The following SAMTOR variants were observed in gnomAD, a reference collection of about 807,000 sequenced individuals.
SAMTOR encodes UPF0532 protein C7orf60.
chr7:112,889,392 G>T, the SAMTOR span, among the ~76,000 whole-genome samples: 1 of 152,156 alleles, frequency 6.6e-6, no homozygotes, highest in Non-Finnish European at 1.5e-5. Context: ...TATCCCATTT[G>T]CAATTGCCAG....
At chr7:112,823,522 T>C in the SAMTOR span, among the ~76,000 whole-genome samples, 1 of 152,200 alleles carries the variant, frequency 6.6e-6, no homozygotes, top group Non-Finnish European at 1.5e-5. Flanking sequence ...TGCAGAATGG[T>C]ATCCCATTGT....
At chr7:112,871,856 A>G in the SAMTOR span, among the ~76,000 whole-genome samples, 1 of 152,226 alleles carries the variant, frequency 6.6e-6, no homozygotes, top group Non-Finnish European at 1.5e-5. Flanking sequence ...AGATCCCTAG[A>G]GACTACTACG....
the SAMTOR span, among the ~76,000 whole-genome samples, chr7:112,896,132 C>A: frequency 1.7e-4 from 26 of 152,120 alleles, no homozygotes; most frequent in African/African-American, 5.8e-4. Context: ...GACAGATAAC[C>A]CAACAGCTGT....
the SAMTOR span, among the ~76,000 whole-genome samples, chr7:112,875,570 T>C: frequency 2.0e-5 from 3 of 152,162 alleles, no homozygotes; most frequent in Non-Finnish European, 4.4e-5. Flanking sequence ...ATAGTCAAGT[T>C]AGGTAGAACT....
At chr7:112,914,997 T>G in the SAMTOR span, among the ~76,000 whole-genome samples, 1 of 152,042 alleles carries the variant, frequency 6.6e-6, no homozygotes, top group Non-Finnish European at 1.5e-5. Flanking sequence ...TCCAAGCACT[T>G]TGGGAGGCTG....
the SAMTOR span, among the ~76,000 whole-genome samples, chr7:112,901,258 T>A: frequency 6.6e-6 from 1 of 152,158 alleles, no homozygotes; most frequent in Admixed American, 6.5e-5. Flanking sequence ...CTGTTCCCCA[T>A]TGCTCGCATT....
At chr7:112,850,576 A>C in the SAMTOR span, among the ~76,000 whole-genome samples, 1 of 151,948 alleles carries the variant, frequency 6.6e-6, no homozygotes, top group East Asian at 1.9e-4. Context: ...ATTCAATTTC[A>C]CTATTAGTTA....
the SAMTOR span, among the ~76,000 whole-genome samples, chr7:112,892,845 G>A: frequency 1.3e-5 from 2 of 152,070 alleles, no homozygotes; most frequent in East Asian, 1.9e-4. Flanking sequence ...CAGAATGGAC[G>A]TTGTATTAGC....
At chr7:112,827,197 T>C in the SAMTOR span, among the ~76,000 whole-genome samples, 1 of 152,244 alleles carries the variant, frequency 6.6e-6, no homozygotes, top group Admixed American at 6.5e-5. Context: ...ATGGGCAACA[T>C]ATATTTGGGT....
At chr7:112,856,967 C>T in the SAMTOR span, among the ~76,000 whole-genome samples, 1 of 151,760 alleles carries the variant, frequency 6.6e-6, no homozygotes, top group African/African-American at 2.4e-5. Context: ...ACACATAAAC[C>T]TCAGGTAAAT....
the SAMTOR span, among the ~76,000 whole-genome samples, chr7:112,865,469 G>T: frequency 1.6e-4 from 25 of 152,020 alleles, no homozygotes; most frequent in Admixed American, 1.2e-3. Context: ...GTGAAGACAG[G>T]GTTTCGCCAT....
the SAMTOR span, among the ~76,000 whole-genome samples, chr7:112,893,727 C>A: frequency 2.4e-4 from 37 of 152,292 alleles, no homozygotes; most frequent in South Asian, 6.8e-3. Context: ...CATGGTGAAA[C>A]CCCGTCTCTA....
At chr7:112,935,888 G>GA in the SAMTOR span, among the ~76,000 whole-genome samples, 48 of 149,292 alleles carry the variant, frequency 3.2e-4, no homozygotes, top group East Asian at 4.1e-3. Context: ...TACGATTATG[G>GA]AAAAAAAAAA....
At chr7:112,903,687 G>C in the SAMTOR span, among the ~76,000 whole-genome samples, 58 of 152,304 alleles carry the variant, frequency 3.8e-4, no homozygotes, top group African/African-American at 1.3e-3. Flanking sequence ...AAAGGACCCA[G>C]AGGAGAAAGA....
the SAMTOR span, among the ~76,000 whole-genome samples, chr7:112,856,150 A>T: frequency 1.3e-5 from 2 of 152,200 alleles, no homozygotes; most frequent in Non-Finnish European, 2.9e-5. Flanking sequence ...TTTTGATTGG[A>T]CTGTTACAAA....
chr7:112,842,131 G>A, the SAMTOR span, among the ~76,000 whole-genome samples: 1,625 of 151,976 alleles, frequency 0.011, 31 homozygotes, highest in African/African-American at 0.037. Context: ...AATTATTTAT[G>A]AAAATTCTTT....
chr7:112,821,811 G>T, the SAMTOR span: 1 of 1,613,324 alleles, frequency 6.2e-7, no homozygotes, highest in Non-Finnish European at 8.5e-7. Context: ...ACTTTCTCCA[G>T]AATCTGAGTC....
the SAMTOR span, among the ~76,000 whole-genome samples, chr7:112,907,762 C>A: frequency 6.6e-6 from 1 of 151,954 alleles, no homozygotes; most frequent in African/African-American, 2.4e-5. Flanking sequence ...GATACCAATT[C>A]CAATCTATCG....
chr7:112,918,277 A>G, the SAMTOR span, among the ~76,000 whole-genome samples: 2 of 152,198 alleles, frequency 1.3e-5, no homozygotes, highest in Non-Finnish European at 2.9e-5. Flanking sequence ...GCCAGAAGAG[A>G]GTGGGGGCCT....
Sources: gnomAD v4.1 joint callset for allele counts (sites outside exome capture counted in the v4.1 genomes callset) on GRCh38, gnomAD v4.1.1 for gene constraint, MANE v1.5 for transcripts, NCBI Gene and HGNC (gene_info 2026-07-23, HGNC 2026-07-21) for gene names.